PCSK1: variants seen among roughly 807,000 people sequenced by gnomAD.
PCSK1 encodes proprotein convertase subtilisin/kexin type 1, also known as neuroendocrine convertase 1.
Under a neutral mutation model 90.6 loss-of-function variants are expected in PCSK1, and 56 were observed. That is an observed-to-expected ratio of 0.62 (90% confidence interval 0.50 to 0.77). The LOEUF (loss-of-function observed/expected upper bound fraction) is 0.77. PCSK1 is among the 30% of genes least tolerant of loss of function. The probability of loss-of-function intolerance (pLI) is 0.00; values close to 1 mark genes in which losing one functional copy is unlikely to be tolerated. For synonymous variants in PCSK1, 348 were observed against 342.4 expected (o/e 1.02, Z -0.18); for missense variants, 801 against 932.6 (o/e 0.86, Z 1.84).
At chr5:96,400,615 C>A (rs1760323081) in intron 9 of PCSK1, among the ~76,000 whole-genome samples, 1 of 152,218 alleles carries the variant, frequency 6.6e-6, no homozygotes, top group South Asian at 2.1e-4. Context: ...GCCTTGACTT[C>A]CTTCTTAGGA....
chr5:96,430,831 G>T (rs1302840191), intron 1 of PCSK1, among the ~76,000 whole-genome samples: 1 of 152,064 alleles, frequency 6.6e-6, no homozygotes, highest in Non-Finnish European at 1.5e-5. Context: ...CCCACTATTT[G>T]TTAATGCTTT....
chr5:96,414,488 A>G (rs1004967304), intron 6 of PCSK1, among the ~76,000 whole-genome samples: 2 of 152,206 alleles, frequency 1.3e-5, no homozygotes, highest in Admixed American at 1.3e-4. Context: ...GTTAACCACC[A>G]GGATACACTG....
intron 1 of PCSK1, 115 bp downstream of exon 1, chr5:96,432,748 T>C: frequency 1.2e-6 from 1 of 809,938 alleles, no homozygotes; most frequent in Non-Finnish European, 2.1e-6. Flanking sequence ...CTCCTTGCTC[T>C]TTGCTACTCT....
intron 5 of PCSK1, among the ~76,000 whole-genome samples, chr5:96,421,574 G>T (rs1167125616): frequency 6.6e-6 from 1 of 152,182 alleles, no homozygotes; most frequent in Non-Finnish European, 1.5e-5. Flanking sequence ...GGGGAGGGAT[G>T]GGCTCAAAGT....
At chr5:96,406,348 A>G (rs1760562840) in intron 9 of PCSK1, among the ~76,000 whole-genome samples, 1 of 152,176 alleles carries the variant, frequency 6.6e-6, no homozygotes, top group African/African-American at 2.4e-5. Flanking sequence ...GCTTGTGTTC[A>G]TAGATTTTTG....
At chr5:96,403,343 C>T (rs1010459021) in intron 9 of PCSK1, among the ~76,000 whole-genome samples, 2 of 152,108 alleles carry the variant, frequency 1.3e-5, no homozygotes, top group African/African-American at 2.4e-5. Flanking sequence ...TACACATGTG[C>T]CATGTTGGTG....
intron 8 of PCSK1, among the ~76,000 whole-genome samples, chr5:96,409,824 C>A (rs890018726): frequency 2.6e-5 from 4 of 152,194 alleles, no homozygotes; most frequent in Non-Finnish European, 5.9e-5. Context: ...GAGAAGCAGG[C>A]CCACACTTCT....
chr5:96,392,736 A>G lies in PCSK1; in HGVS notation c.*265T>C, dbSNP rs3811942. 115,164 of 505,378 alleles carry G rather than the reference A, an allele frequency of 0.23. 14,749 individuals are homozygous for G. The highest frequency in any genetic ancestry group is 0.26 in the Non-Finnish European group (73,558 of 280,906). 31.3% of individuals were successfully genotyped at this position (505,378 alleles called of 1,614,324 possible). ...TAATGTAGTGTAAGAGCTTTTTGTC[A>G]ACTGTGACTCCAGAAAGAACAAAAC... is the stretch of plus-strand genomic sequence containing the variant. On this transcript the variant is annotated 3_prime_UTR_variant, in exon 14 of 14. Transcript: ENST00000311106.
intron 2 of PCSK1, among the ~76,000 whole-genome samples, chr5:96,428,967 T>G (rs991533801): frequency 1.3e-5 from 2 of 152,162 alleles, no homozygotes; most frequent in Non-Finnish European, 2.9e-5. Flanking sequence ...GATATATATG[T>G]AATTATATAA....
chr5:96,399,878 C>G, intron 10 of PCSK1, 75 bp downstream of exon 10: 1 of 1,180,966 alleles, frequency 8.5e-7, no homozygotes, highest in Non-Finnish European at 1.2e-6. Flanking sequence ...ACAAAAAAAT[C>G]AGGCAGAATG....
intron 13 of PCSK1, among the ~76,000 whole-genome samples, 197 bp from the exon 14 acceptor site, chr5:96,393,575 C>G (rs1760031079): frequency 6.6e-6 from 1 of 152,142 alleles, no homozygotes; most frequent in Non-Finnish European, 1.5e-5. Flanking sequence ...CCTTTAACAA[C>G]CTTTTTAATC....
chr5:96,417,490 G>A lies in PCSK1; in HGVS notation c.621-1369C>T, dbSNP rs140732500. On this transcript the variant is annotated intron_variant, in intron 5 of 13. Transcript: ENST00000311106. ...TTTCAAGGACTGATGTAGATTATAGGGAAGAAACCCCACTCTTTCTTGAGA... is the reference window on the plus strand; with the variant it reads ...TTTCAAGGACTGATGTAGATTATAGAGAAGAAACCCCACTCTTTCTTGAGA... Among the ~76,000 whole-genome samples, 579 of 151,826 alleles carry A rather than the reference G, an allele frequency of 3.8e-3. 3 individuals are homozygous for A. The highest frequency in any genetic ancestry group is 0.013 in the African/African-American group (558 of 41,368).
intron 2 of PCSK1, among the ~76,000 whole-genome samples, chr5:96,428,382 G>A (rs1761385823): frequency 6.6e-6 from 1 of 152,074 alleles, no homozygotes; most frequent in South Asian, 2.1e-4. Context: ...GGCGAATCAG[G>A]ATAAATTTCT....
At position 96,416,272 on chromosome 5, in the gene PCSK1, C is replaced by G. The variant is rs191682900; in HGVS notation, c.621-151G>C. 3.9e-3 allele frequency: 2,567 copies of G among 664,890 alleles called. 6 individuals carry two copies. The highest frequency in any genetic ancestry group is 6.3e-3 in the Non-Finnish European group (2,318 of 365,968). 41.2% of individuals were successfully genotyped at this position (664,890 alleles called of 1,614,324 possible). A position where few individuals can be genotyped will look rare whatever the true frequency, so the allele number is the denominator to read the frequency against. On this transcript the variant is annotated intron_variant, in intron 5 of 13. Transcript: ENST00000311106. The stretch of plus-strand genomic sequence containing the variant: ...TGTTTTAAATTAGTATAACATAAAA[C>G]TTATGTTCAGATGAAGGGCACAAGT...
At chr5:96,427,681 CAGTT>C (rs1001758028) in intron 2 of PCSK1, among the ~76,000 whole-genome samples, 5 of 152,140 alleles carry the variant, frequency 3.3e-5, no homozygotes, top group East Asian at 1.9e-4. Flanking sequence ...GTAAGAATAA[CAGTT>C]AGGTATGCTC....
intron 3 of PCSK1, among the ~76,000 whole-genome samples, chr5:96,424,669 A>T (rs1350090435): frequency 6.6e-6 from 1 of 152,186 alleles, no homozygotes; most frequent in Non-Finnish European, 1.5e-5. Context: ...AATACTTAAG[A>T]TAGTGGCAAG....
chr5:96,401,665 T>G (rs1489994452), intron 9 of PCSK1, among the ~76,000 whole-genome samples: 1 of 152,216 alleles, frequency 6.6e-6, no homozygotes, highest in Non-Finnish European at 1.5e-5. Context: ...TCTTTTATTC[T>G]GCTATATGTG....
At chr5:96,421,285 T>C (rs1392873352) in intron 5 of PCSK1, among the ~76,000 whole-genome samples, 2 of 152,196 alleles carry the variant, frequency 1.3e-5, no homozygotes, top group African/African-American at 4.8e-5. Flanking sequence ...TCGGGTGCTG[T>C]CTCCTCTCTC....
intron 8 of PCSK1, among the ~76,000 whole-genome samples, chr5:96,410,464 C>T (rs1055236382): frequency 7.9e-5 from 12 of 151,876 alleles, no homozygotes; most frequent in Admixed American, 7.2e-4. Context: ...AAGGCTGTTT[C>T]CAGGGAGGCA....
Sources: allele counts gnomAD v4.1 joint callset (sites outside exome capture counted in the v4.1 genomes callset), GRCh38; gene constraint gnomAD v4.1.1; transcripts MANE v1.5; gene names NCBI Gene and HGNC (gene_info 2026-07-23, HGNC 2026-07-21).